Variants in PHACTR1 observed in about 807,000 individuals in gnomAD.
PHACTR1 encodes the protein phosphatase and actin regulator 1.
In PHACTR1, 16 loss-of-function variants were observed where a neutral mutation model predicts 69.2. The ratio of observed to expected loss-of-function variants is 0.23; its 90% CI spans 0.16 to 0.35. The LOEUF (loss-of-function observed/expected upper bound fraction) is 0.35, where lower values mean the gene tolerates loss of function less well. Among genes scored for constraint, PHACTR1 ranks in the 10% least tolerant of loss-of-function variants. The pLI is 1.00. For synonymous variants in PHACTR1, 312 were observed against 284.5 expected, an observed-to-expected ratio of 1.10 and a Z score of -0.97; for missense variants, 510 against 734.7, an observed-to-expected ratio of 0.69 and a Z score of 3.54.
chr6:12,859,395 A>T (rs545669027), intron 4 of PHACTR1, among the ~76,000 whole-genome samples: 1 of 152,312 alleles, frequency 6.6e-6, no homozygotes, highest in African/African-American at 2.4e-5. Flanking sequence ...TATGTACACT[A>T]TGTGTATGTA....
intron 6 of PHACTR1, among the ~76,000 whole-genome samples, chr6:13,171,828 G>T (rs752840995): frequency 2.0e-5 from 3 of 152,000 alleles, no homozygotes; most frequent in Non-Finnish European, 4.4e-5. Flanking sequence ...ATGCAATGGC[G>T]CAATCTCGGC....
At chr6:13,201,089 C>T (rs1044024470) in intron 7 of PHACTR1, among the ~76,000 whole-genome samples, 1 of 152,196 alleles carries the variant, frequency 6.6e-6, no homozygotes, top group Non-Finnish European at 1.5e-5. Flanking sequence ...GCAGTGAGCA[C>T]GTTCCATCAT....
chr6:13,046,211 A>G (rs1227217443), intron 4 of PHACTR1, among the ~76,000 whole-genome samples: 1 of 152,042 alleles, frequency 6.6e-6, no homozygotes, highest in Non-Finnish European at 1.5e-5. Flanking sequence ...GATGGTTCCT[A>G]GGTAGAAAGA....
chr6:12,834,182 A>G (rs1777895730), intron 4 of PHACTR1, among the ~76,000 whole-genome samples: 1 of 152,180 alleles, frequency 6.6e-6, no homozygotes, highest in South Asian at 2.1e-4. Context: ...TATTCTTTCC[A>G]TTGATGCGTA....
At chr6:12,943,669 G>A (rs1279437565) in intron 4 of PHACTR1, among the ~76,000 whole-genome samples, 1 of 152,110 alleles carries the variant, frequency 6.6e-6, no homozygotes, top group Non-Finnish European at 1.5e-5. Flanking sequence ...TAAAATGCAC[G>A]TGTCCTTCTT....
chr6:12,744,453 G>A (rs1160771534), intron 3 of PHACTR1, among the ~76,000 whole-genome samples: 1 of 152,166 alleles, frequency 6.6e-6, no homozygotes, highest in Admixed American at 6.5e-5. Flanking sequence ...ATTGTTAAAA[G>A]CTGTCAATAA....
intron 4 of PHACTR1, among the ~76,000 whole-genome samples, chr6:12,979,052 C>A (rs1795203141): frequency 6.6e-6 from 1 of 152,150 alleles, no homozygotes; most frequent in South Asian, 2.1e-4. Context: ...GATTTTAAGG[C>A]CCTTTCTTTA....
intron 4 of PHACTR1, among the ~76,000 whole-genome samples, chr6:12,901,218 A>G (rs569260285): frequency 5.1e-4 from 77 of 152,182 alleles, no homozygotes; most frequent in Non-Finnish European, 9.0e-4. Flanking sequence ...TCTAACAGTG[A>G]TTTTGCAACA....
chr6:12,723,038 C>T (rs1306856460), intron 3 of PHACTR1, among the ~76,000 whole-genome samples: 2 of 152,134 alleles, frequency 1.3e-5, no homozygotes, highest in East Asian at 3.9e-4. Context: ...TTGTAGTGAA[C>T]AATTGAACTT....
intron 4 of PHACTR1, among the ~76,000 whole-genome samples, chr6:12,882,621 T>A (rs1333080580): frequency 6.6e-6 from 1 of 152,106 alleles, no homozygotes; most frequent in Non-Finnish European, 1.5e-5. Context: ...ATGGTTAAAA[T>A]TTTAAAAAGT....
intron 4 of PHACTR1, among the ~76,000 whole-genome samples, chr6:12,757,360 G>A (rs1455098173): frequency 6.6e-6 from 1 of 152,118 alleles, no homozygotes; most frequent in Non-Finnish European, 1.5e-5. Context: ...AGAAGGAATG[G>A]GGACTAGAAA....
intron 12 of PHACTR1, chr6:13,279,836 C>T (rs1267303774): frequency 6.6e-6 from 1 of 152,136 alleles, no homozygotes; most frequent in East Asian, 1.9e-4. Context: ...AGGAGAGATG[C>T]ATTAGCTTTT....
intron 5 of PHACTR1, among the ~76,000 whole-genome samples, chr6:13,101,337 A>C (rs1248313694): frequency 2.0e-5 from 3 of 152,228 alleles, no homozygotes; most frequent in Admixed American, 6.5e-5. Flanking sequence ...TGACCTGATC[A>C]CTTCTTATTA....
intron 5 of PHACTR1, among the ~76,000 whole-genome samples, chr6:13,075,022 G>C (rs2127782401): frequency 6.6e-6 from 1 of 152,178 alleles, no homozygotes; most frequent in East Asian, 1.9e-4. Flanking sequence ...AATAGAATTG[G>C]GTATTGAGAT....
intron 5 of PHACTR1, among the ~76,000 whole-genome samples, chr6:13,132,729 TAAA>T (rs77142357): frequency 2.6e-5 from 1 of 38,490 alleles, no homozygotes. Context: ...ACCGTATTGC[TAAA>T]AAAAAAAAAA....
At chr6:12,944,791 T>TTTA (rs1421426372) in intron 4 of PHACTR1, among the ~76,000 whole-genome samples, 46 of 101,390 alleles carry the variant, frequency 4.5e-4, no homozygotes, top group African/African-American at 1.7e-3. Flanking sequence ...TTATTTATTT[T>TTTA]TTTTTTTTTG....
Position 12,895,949 on chromosome 6 carries a change from T to A in PHACTR1, c.250+146159T>A, listed in dbSNP as rs144971409. On this transcript the variant is annotated intron_variant, in intron 4 of 14. Coordinates refer to ENST00000332995, the MANE Select transcript of PHACTR1 (RefSeq NM_030948.6). Reference sequence around the variant, plus strand: ...TGTCAAGGAGACCTCATTATAGTACTTGTTTCCTAGTGAAGAAGCCCTCTG... The same window carrying A: ...TGTCAAGGAGACCTCATTATAGTACATGTTTCCTAGTGAAGAAGCCCTCTG... Among the ~76,000 whole-genome samples, 146 of 152,348 alleles carry A rather than the reference T, an allele frequency of 9.6e-4. 4 individuals carry two copies. The East Asian group carries it at 0.022, about 23-fold the overall frequency.
At chr6:12,863,466 A>G (rs1412898840) in intron 4 of PHACTR1, among the ~76,000 whole-genome samples, 1 of 152,258 alleles carries the variant, frequency 6.6e-6, no homozygotes, top group African/African-American at 2.4e-5. Context: ...TATTGGGGTT[A>G]GGACTTTTGA....
intron 4 of PHACTR1, among the ~76,000 whole-genome samples, chr6:12,918,696 T>C (rs1189786745): frequency 6.6e-6 from 1 of 152,220 alleles, no homozygotes; most frequent in African/African-American, 2.4e-5. Context: ...TCATATAAAA[T>C]CACTAGCCAG....
Sources: gnomAD v4.1 joint callset for allele counts (sites outside exome capture counted in the v4.1 genomes callset) on GRCh38, gnomAD v4.1.1 for gene constraint, MANE v1.5 for transcripts, NCBI Gene and HGNC (gene_info 2026-07-23, HGNC 2026-07-21) for gene names.